RARB: variants seen among roughly 807,000 people sequenced by gnomAD.
RARB encodes HBV-activated protein.
A neutral mutation model predicts 51.9 loss-of-function variants in RARB; 17 were observed. The ratio of observed to expected loss-of-function variants is 0.33; its 90% CI spans 0.22 to 0.49. RARB has a LOEUF of 0.49. Among genes scored for constraint, RARB ranks in the 20% least tolerant of loss-of-function variants. The pLI, the probability that RARB is intolerant of heterozygous loss-of-function variation, is 0.99. For missense variants in RARB, 369 were observed against 550.8 expected (o/e 0.67, Z 3.30); for synonymous variants, 215 against 195.4 (o/e 1.10, Z -0.84).
At chr3:24,951,493 T>C (rs1001193104) in intron 2 of RARB, among the ~76,000 whole-genome samples, 1 of 152,176 alleles carries the variant, frequency 6.6e-6, no homozygotes, top group Non-Finnish European at 1.5e-5. Context: ...ATTACATGAC[T>C]AGCTAAACGC....
At chr3:24,987,784 C>A (rs921267954) in intron 2 of RARB, among the ~76,000 whole-genome samples, 1 of 152,082 alleles carries the variant, frequency 6.6e-6, no homozygotes, top group Admixed American at 6.5e-5. Flanking sequence ...CTCTTTCAGC[C>A]CCCTATTTGA....
intron 5 of RARB, among the ~76,000 whole-genome samples, chr3:25,308,339 A>G (rs1386744951): frequency 6.6e-6 from 1 of 152,060 alleles, no homozygotes; most frequent in East Asian, 1.9e-4. Context: ...CCTTGGTCAT[A>G]TTCCTATGCT....
intron 4 of RARB, among the ~76,000 whole-genome samples, chr3:25,157,207 T>C (rs1452212710): frequency 1.3e-5 from 2 of 152,142 alleles, no homozygotes; most frequent in Non-Finnish European, 2.9e-5. Context: ...TCCAGCTATG[T>C]GTGAATGTGA....
At chr3:25,583,152 A>C (rs1379426620) in intron 5 of RARB, among the ~76,000 whole-genome samples, 1 of 152,218 alleles carries the variant, frequency 6.6e-6, no homozygotes, top group East Asian at 1.9e-4. Context: ...GTTCGAAGGA[A>C]TACCCATTTG....
chr3:25,582,377 G>A (rs1427017467), intron 5 of RARB, among the ~76,000 whole-genome samples: 2 of 152,090 alleles, frequency 1.3e-5, no homozygotes, highest in African/African-American at 2.4e-5. Context: ...CAAGTCCACA[G>A]CAAGCAATGC....
intron 2 of RARB, among the ~76,000 whole-genome samples, chr3:24,966,606 A>ATCTCTCTC (rs55848511): frequency 0.014 from 2,028 of 140,280 alleles, 30 homozygotes; most frequent in African/African-American, 0.031. Flanking sequence ...GTTTACATTC[A>ATCTCTCTC]TCTCTCTCTC....
chr3:25,545,892 TAAAG>T (rs1433277934), intron 3 of RARB, among the ~76,000 whole-genome samples: 1 of 151,966 alleles, frequency 6.6e-6, no homozygotes, highest in African/African-American at 2.4e-5. Context: ...GAGAAAATAA[TAAAG>T]AAGACAAAAC....
intron 4 of RARB, among the ~76,000 whole-genome samples, chr3:25,169,374 A>G (rs1700607186): frequency 6.6e-6 from 1 of 152,244 alleles, no homozygotes; most frequent in Non-Finnish European, 1.5e-5. Context: ...TGTGGAATTC[A>G]TTTATCACAT....
intron 2 of RARB, among the ~76,000 whole-genome samples, chr3:25,028,130 G>T (rs1697790744): frequency 6.6e-6 from 1 of 152,104 alleles, no homozygotes; most frequent in African/African-American, 2.4e-5. Flanking sequence ...TAGGATTCTT[G>T]CCCTGGTGCT....
intron 2 of RARB, among the ~76,000 whole-genome samples, chr3:24,959,934 C>G (rs1431018956): frequency 2.6e-5 from 4 of 152,302 alleles, no homozygotes; most frequent in South Asian, 4.1e-4. Flanking sequence ...AGCTTGGAGA[C>G]TTATTCGAGA....
At chr3:25,306,683 C>T (rs764689368) in intron 5 of RARB, among the ~76,000 whole-genome samples, 1 of 152,074 alleles carries the variant, frequency 6.6e-6, no homozygotes, top group African/African-American at 2.4e-5. Context: ...ATGTGAAGTT[C>T]GCATGTCATT....
chr3:25,297,696 A>C (rs1703949729), intron 5 of RARB, among the ~76,000 whole-genome samples: 1 of 152,242 alleles, frequency 6.6e-6, no homozygotes, highest in Middle Eastern at 3.4e-3. Flanking sequence ...CCCTGTTAAA[A>C]GCAAGAGATG....
rs191117114 is a variant in RARB at position 25,501,333 on chromosome 3, G to A, written c.448+10G>A. On this transcript the variant is annotated intron_variant, in intron 3 of 7. Coordinates refer to ENST00000330688, the MANE Select transcript of RARB (RefSeq NM_000965.5). Reference sequence around the variant, plus strand: ...GGAATGTCCAAAGAATGTAAGTGGAGTCTCAAAAAACTTTTTCCCTGTTTT... The same window carrying A: ...GGAATGTCCAAAGAATGTAAGTGGAATCTCAAAAAACTTTTTCCCTGTTTT... 38 of 1,606,400 alleles carry A rather than the reference G, an allele frequency of 2.4e-5. No individual in the cohort carries two copies. The highest frequency in any genetic ancestry group is 3.1e-5 in the Non-Finnish European group (37 of 1,178,214).
chr3:25,322,972 G>A (rs1292051048), intron 5 of RARB, among the ~76,000 whole-genome samples: 2 of 152,150 alleles, frequency 1.3e-5, no homozygotes, highest in African/African-American at 4.8e-5. Context: ...GCACTCAGCT[G>A]GTCCAGTTTG....
At chr3:25,212,240 T>C (rs1701716273) in intron 5 of RARB, among the ~76,000 whole-genome samples, 2 of 152,108 alleles carry the variant, frequency 1.3e-5, no homozygotes. Flanking sequence ...ATAAGCTCAA[T>C]GCATAAATAA....
chr3:25,449,727 A>T (rs548564934), intron 1 of RARB, among the ~76,000 whole-genome samples: 2 of 151,674 alleles, frequency 1.3e-5, no homozygotes, highest in African/African-American at 4.8e-5. Flanking sequence ...GAAATAGTAA[A>T]ACTAGACTAG....
chr3:25,474,358 A>T (rs1695849832), intron 2 of RARB, among the ~76,000 whole-genome samples: 1 of 152,232 alleles, frequency 6.6e-6, no homozygotes, highest in Non-Finnish European at 1.5e-5. Context: ...GATTATGGTC[A>T]TGTTTTCAAT....
chr3:24,864,911 C>T (rs906683434), intron 2 of RARB, among the ~76,000 whole-genome samples: 1 of 152,152 alleles, frequency 6.6e-6, no homozygotes, highest in South Asian at 2.1e-4. Flanking sequence ...TTTGTAATAA[C>T]TTTCCAGGTA....
chr3:25,193,803 A>C (rs1165380991), intron 5 of RARB, among the ~76,000 whole-genome samples: 3 of 152,004 alleles, frequency 2.0e-5, no homozygotes, highest in East Asian at 3.9e-4. Context: ...CAACTATATA[A>C]ACGTGCAATA....
Sources: gnomAD v4.1 joint callset for allele counts (sites outside exome capture counted in the v4.1 genomes callset) on GRCh38, gnomAD v4.1.1 for gene constraint, MANE v1.5 for transcripts, NCBI Gene and HGNC (gene_info 2026-07-23, HGNC 2026-07-21) for gene names.